ACCSL: variants seen among roughly 807,000 people sequenced by gnomAD.
ACCSL encodes probable inactive 1-aminocyclopropane-1-carboxylate synthase-like protein 2.
A neutral mutation model predicts 61.7 loss-of-function variants in ACCSL; 55 were observed. That is an observed-to-expected ratio of 0.89 (90% CI 0.72 to 1.12). ACCSL has a LOEUF of 1.12. ACCSL is among the 50% of genes most tolerant of loss of function. ACCSL has a pLI of 0.00. For synonymous variants in ACCSL, 258 were observed against 264.3 expected, an observed-to-expected ratio of 0.98 and a Z score of 0.23; for missense variants, 632 against 698.0, an observed-to-expected ratio of 0.91 and a Z score of 1.07.
At chr11:43,934,783 A>G in the ACCSL span, among the ~76,000 whole-genome samples, 4 of 152,134 alleles carry the variant, frequency 2.6e-5, no homozygotes, top group African/African-American at 9.7e-5. Context: ...GGTTCTTCCC[A>G]CCTTGATGTG....
chr11:43,987,106 G>T, the ACCSL span, among the ~76,000 whole-genome samples: 7 of 148,310 alleles, frequency 4.7e-5, no homozygotes, highest in African/African-American at 1.7e-4. Context: ...TCTTCAAGAA[G>T]AACAAGCAAT....
chr11:44,005,337 T>C, the ACCSL span, among the ~76,000 whole-genome samples: 1 of 152,136 alleles, frequency 6.6e-6, no homozygotes, highest in Admixed American at 6.5e-5. Flanking sequence ...CGTGCAGGCT[T>C]CTGTGAATAT....
At chr11:43,949,814 C>CA in the ACCSL span, among the ~76,000 whole-genome samples, 57 of 136,048 alleles carry the variant, frequency 4.2e-4, 1 homozygote, top group Middle Eastern at 0.011. Context: ...GACTCCATCT[C>CA]AAAAAAAACA....
At chr11:44,030,645 G>T in the ACCSL span, among the ~76,000 whole-genome samples, 1 of 151,618 alleles carries the variant, frequency 6.6e-6, no homozygotes, top group Non-Finnish European at 1.5e-5. Context: ...TTGATGTATT[G>T]TTTTTTTTAT....
At chr11:44,037,596 G>A in the ACCSL span, among the ~76,000 whole-genome samples, 4 of 152,188 alleles carry the variant, frequency 2.6e-5, no homozygotes, top group Non-Finnish European at 4.4e-5. Flanking sequence ...TGTAGTCAGG[G>A]TGCCCGCAGC....
At chr11:44,001,799 G>A in the ACCSL span, among the ~76,000 whole-genome samples, 2 of 149,376 alleles carry the variant, frequency 1.3e-5, no homozygotes, top group African/African-American at 4.9e-5. Flanking sequence ...GTGTGTGTGT[G>A]TGTGTGTGTG....
the ACCSL span, among the ~76,000 whole-genome samples, chr11:43,979,158 A>G: frequency 1.3e-5 from 2 of 152,060 alleles, no homozygotes; most frequent in African/African-American, 4.8e-5. Flanking sequence ...CCTGGGTAAC[A>G]TAGCAAGACA....
intron 13 of ACCSL, 52 bp downstream of exon 13, chr11:44,058,751 T>C: frequency 2.6e-6 from 4 of 1,563,568 alleles, no homozygotes; most frequent in Non-Finnish European, 2.6e-6. Context: ...CAATTTAATA[T>C]GTCAATCTTC....
chr11:44,010,731 A>T, the ACCSL span, among the ~76,000 whole-genome samples: 87 of 152,334 alleles, frequency 5.7e-4, no homozygotes, highest in African/African-American at 2.0e-3. Context: ...TCCAAACTCA[A>T]AACCCTTTCC....
the ACCSL span, among the ~76,000 whole-genome samples, chr11:43,983,412 T>C: frequency 6.6e-6 from 1 of 152,192 alleles, no homozygotes; most frequent in East Asian, 1.9e-4. Context: ...GTGCAGGGGA[T>C]GTGGTCCAGG....
the ACCSL span, among the ~76,000 whole-genome samples, chr11:43,929,626 A>T: frequency 4.6e-5 from 7 of 152,172 alleles, no homozygotes; most frequent in South Asian, 1.2e-3. Flanking sequence ...AGGCTGGTCT[A>T]GAACTCCTGA....
At chr11:43,973,410 ATATCTATCTATCTATCTATCTATCTATC>A in the ACCSL span, among the ~76,000 whole-genome samples, 2 of 148,938 alleles carry the variant, frequency 1.3e-5, no homozygotes, top group South Asian at 2.2e-4. Flanking sequence ...TGGTTTTGAG[ATATCTATCTATCTATCTATCTATCTATC>A]TATCTATCTA....
At chr11:44,057,382 C>T (rs560480612) in intron 11 of ACCSL, among the ~76,000 whole-genome samples, 76 of 152,294 alleles carry the variant, frequency 5.0e-4, no homozygotes, top group African/African-American at 1.8e-3. Flanking sequence ...TAGGAGAAAT[C>T]CAACTGAATG....
chr11:44,048,217 A>G lies in ACCSL; in HGVS notation c.181A>G (p.Thr61Ala). 6.2e-7 allele frequency: 1 copy of G among 1,614,182 alleles called. No individual in the cohort carries two copies. The highest frequency in any genetic ancestry group is 8.5e-7 in the Non-Finnish European group (1 of 1,180,038). Residue 61 changes from threonine (T) to alanine (A), a missense_variant, in exon 1 of 14, where the codon ACT (threonine) becomes GCT (alanine). Thr to Ala is a moderately conservative substitution (Grantham distance 58, BLOSUM62 0). Transcript: ENST00000378832. ...CCTGTCGCTGGAGGAAAGGAGGCACACTGAGGCCATCTGTGAGCATGAAGC... is the reference window on the plus strand; with the variant it reads ...CCTGTCGCTGGAGGAAAGGAGGCACGCTGAGGCCATCTGTGAGCATGAAGC... ...QGLSLEERRH[T>A]EAICEHEALL...
At chr11:44,039,015 G>A in the ACCSL span, among the ~76,000 whole-genome samples, 1 of 152,060 alleles carries the variant, frequency 6.6e-6, no homozygotes, top group African/African-American at 2.4e-5. Flanking sequence ...TCAAGTCAGG[G>A]GATTTATTTC....
At chr11:43,966,144 G>T in the ACCSL span, among the ~76,000 whole-genome samples, 1 of 152,170 alleles carries the variant, frequency 6.6e-6, no homozygotes, top group Admixed American at 6.5e-5. Flanking sequence ...TGAAAATTTT[G>T]GTTGGGCACA....
chr11:43,925,253 G>A, the ACCSL span: 148 of 397,020 alleles, frequency 3.7e-4, no homozygotes, highest in Non-Finnish European at 4.4e-4. Context: ...GTGGGGTGTC[G>A]GTAGGGGACT....
the ACCSL span, among the ~76,000 whole-genome samples, chr11:43,978,801 T>G: frequency 3.4e-5 from 5 of 147,316 alleles, no homozygotes; most frequent in Non-Finnish European, 3.0e-5. Flanking sequence ...TTTTTTTTTT[T>G]TTTTTTTTTT....
chr11:44,005,840 C>T, the ACCSL span, among the ~76,000 whole-genome samples: 1 of 152,188 alleles, frequency 6.6e-6, no homozygotes, highest in South Asian at 2.1e-4. Flanking sequence ...GAAACCAAGG[C>T]TTACAGGCAT....
Sources: gnomAD v4.1 joint callset for allele counts (sites outside exome capture counted in the v4.1 genomes callset) on GRCh38, gnomAD v4.1.1 for gene constraint, MANE v1.5 for transcripts, NCBI Gene and HGNC (gene_info 2026-07-23, HGNC 2026-07-21) for gene names.